KIAA1217: variants seen among roughly 807,000 people sequenced by gnomAD.
KIAA1217 encodes the protein sickle tail protein homolog.
A neutral mutation model predicts 163.9 loss-of-function variants in KIAA1217; 88 were observed. The ratio of observed to expected loss-of-function variants is 0.54; its 90% CI spans 0.45 to 0.64. KIAA1217 has a LOEUF of 0.64. Among genes scored for constraint, KIAA1217 ranks in the 30% least tolerant of loss-of-function variants. KIAA1217 has a pLI of 0.00. For missense variants in KIAA1217, 2,372 were observed against 2,475.0 expected (o/e 0.96, Z 0.88); for synonymous variants, 903 against 923.1 (o/e 0.98, Z 0.39).
intron 5 of KIAA1217, among the ~76,000 whole-genome samples, chr10:24,462,336 C>G (rs1184798181): frequency 1.3e-5 from 2 of 152,136 alleles, no homozygotes; most frequent in African/African-American, 2.4e-5. Context: ...CTGTGAAAAT[C>G]TGGACCTGTG....
chr10:24,363,461 T>C (rs530521801), intron 2 of KIAA1217, among the ~76,000 whole-genome samples: 106 of 152,364 alleles, frequency 7.0e-4, no homozygotes, highest in African/African-American at 2.4e-3. Flanking sequence ...ATAAATGCTC[T>C]TCTGTTTAAT....
intron 2 of KIAA1217, among the ~76,000 whole-genome samples, chr10:24,025,023 T>A (rs537629658): frequency 6.6e-6 from 1 of 151,914 alleles, no homozygotes; most frequent in African/African-American, 2.4e-5. Context: ...GCTAATGTTT[T>A]TAATTGTGTA....
At chr10:24,110,668 AC>A (rs2062812527) in intron 2 of KIAA1217, among the ~76,000 whole-genome samples, 1 of 152,196 alleles carries the variant, frequency 6.6e-6, no homozygotes, top group Non-Finnish European at 1.5e-5. Context: ...TGGATTAGAA[AC>A]CTTTGTTGAA....
chr10:24,136,505 T>C (rs2063837124), intron 2 of KIAA1217, among the ~76,000 whole-genome samples: 1 of 151,912 alleles, frequency 6.6e-6, no homozygotes, highest in African/African-American at 2.4e-5. Context: ...ATATGAAGGC[T>C]ACTTTAAAAG....
chr10:24,397,680 C>G (rs1486685342), intron 3 of KIAA1217, among the ~76,000 whole-genome samples: 2 of 152,176 alleles, frequency 1.3e-5, no homozygotes, highest in East Asian at 3.9e-4. Flanking sequence ...GGGGGAAGGT[C>G]TCTTATGAGA....
intron 2 of KIAA1217, among the ~76,000 whole-genome samples, chr10:24,024,290 G>A (rs1847854225): frequency 1.3e-5 from 2 of 151,542 alleles, no homozygotes; most frequent in African/African-American, 2.4e-5. Context: ...GTCCTCTTTT[G>A]CAGTCACTGT....
At chr10:23,989,735 G>A (rs1307931723) in intron 1 of KIAA1217, among the ~76,000 whole-genome samples, 1 of 152,178 alleles carries the variant, frequency 6.6e-6, no homozygotes. Flanking sequence ...GACATTTGAT[G>A]TCAGAACTAC....
chr10:23,858,537 A>AT (rs1839810155), intron 1 of KIAA1217, among the ~76,000 whole-genome samples: 1 of 152,098 alleles, frequency 6.6e-6, no homozygotes, highest in African/African-American at 2.4e-5. Flanking sequence ...TCTATAGCAG[A>AT]TATCAGTATC....
At chr10:24,529,491 T>TAC (rs1491559964) in intron 14 of KIAA1217, among the ~76,000 whole-genome samples, 2 of 149,148 alleles carry the variant, frequency 1.3e-5, no homozygotes, top group East Asian at 3.9e-4. Flanking sequence ...GGAGGGAATT[T>TAC]ATATATATAT....
At chr10:23,935,311 G>A (rs1221111240) in intron 1 of KIAA1217, among the ~76,000 whole-genome samples, 1 of 152,152 alleles carries the variant, frequency 6.6e-6, no homozygotes, top group African/African-American at 2.4e-5. Context: ...CAATAAGAAT[G>A]GACATGTTTA....
At chr10:23,986,707 G>T (rs1589190110) in intron 1 of KIAA1217, among the ~76,000 whole-genome samples, 1 of 152,176 alleles carries the variant, frequency 6.6e-6, no homozygotes, top group East Asian at 1.9e-4. Flanking sequence ...CTTTCTTTCT[G>T]CAACAAAATT....
At chr10:24,080,888 T>G (rs1483832453) in intron 2 of KIAA1217, among the ~76,000 whole-genome samples, 1 of 152,038 alleles carries the variant, frequency 6.6e-6, no homozygotes, top group Non-Finnish European at 1.5e-5. Context: ...TTTAAACAAG[T>G]AGGGCCAGAA....
chr10:23,795,960 T>C (rs1056436689), intron 1 of KIAA1217, among the ~76,000 whole-genome samples: 1 of 152,214 alleles, frequency 6.6e-6, no homozygotes, highest in African/African-American at 2.4e-5. Flanking sequence ...AAATTGTTCG[T>C]TTACTTTTCA....
At chr10:24,379,957 C>T (rs1387487665) in intron 2 of KIAA1217, among the ~76,000 whole-genome samples, 2 of 152,246 alleles carry the variant, frequency 1.3e-5, no homozygotes, top group African/African-American at 2.4e-5. Flanking sequence ...GAGGTTGAGG[C>T]AGGAGAATTG....
At chr10:24,312,188 C>T (rs1231492287) in intron 2 of KIAA1217, among the ~76,000 whole-genome samples, 1 of 152,042 alleles carries the variant, frequency 6.6e-6, no homozygotes, top group African/African-American at 2.4e-5. Context: ...GAGAGGAGCC[C>T]AGCTAACGAG....
At chr10:24,535,721 G>A (rs1285436579) in intron 16 of KIAA1217, among the ~76,000 whole-genome samples, 2 of 152,182 alleles carry the variant, frequency 1.3e-5, no homozygotes, top group Admixed American at 6.5e-5. Context: ...AGGTTGCAGT[G>A]AGCTGAGATC....
At chr10:24,150,178 TG>T (rs1649987638) in intron 2 of KIAA1217, among the ~76,000 whole-genome samples, 1 of 152,098 alleles carries the variant, frequency 6.6e-6, no homozygotes, top group East Asian at 1.9e-4. Flanking sequence ...CCACCATGCC[TG>T]GATAATTTTG....
At chr10:24,328,735 G>A (rs1045679346) in intron 2 of KIAA1217, among the ~76,000 whole-genome samples, 5 of 151,598 alleles carry the variant, frequency 3.3e-5, no homozygotes, top group Non-Finnish European at 5.9e-5. Context: ...CATACTTTTT[G>A]AGATACATTT....
intron 1 of KIAA1217, among the ~76,000 whole-genome samples, chr10:23,982,669 G>A (rs1307040814): frequency 6.6e-6 from 1 of 150,644 alleles, no homozygotes. Context: ...GTTCAAAGGA[G>A]TCTCCTGCCT....
Sources: allele counts gnomAD v4.1 joint callset (sites outside exome capture counted in the v4.1 genomes callset), GRCh38; gene constraint gnomAD v4.1.1; transcripts MANE v1.5; gene names NCBI Gene and HGNC (gene_info 2026-07-23, HGNC 2026-07-21).